The following RBBP8 variants were observed in gnomAD, a reference collection of about 807,000 sequenced individuals.
RBBP8 encodes DNA endonuclease RBBP8.
Under a neutral mutation model 108.3 loss-of-function variants are expected in RBBP8, and 88 were observed. The ratio of observed to expected loss-of-function variants is 0.81; its 90% CI spans 0.68 to 0.97. The LOEUF is 0.97. Ranked by LOEUF, RBBP8 falls within the 50% of genes least tolerant of loss-of-function variation. The pLI, the probability that RBBP8 is intolerant of heterozygous loss-of-function variation, is 0.00. For missense variants in RBBP8, 1,023 were observed against 1,049.0 expected, an observed-to-expected ratio of 0.98 and a Z score of 0.34; for synonymous variants, 332 against 348.2, an observed-to-expected ratio of 0.95 and a Z score of 0.52.
intron 3 of RBBP8, among the ~76,000 whole-genome samples, chr18:22,921,777 A>C (rs1355391005): frequency 6.6e-6 from 1 of 152,192 alleles, no homozygotes. Flanking sequence ...AATAAACTTC[A>C]ATTTATTTCC....
intron 3 of RBBP8, 74 bp downstream of exon 3, chr18:22,946,560 G>A: frequency 6.3e-7 from 1 of 1,590,956 alleles, no homozygotes; most frequent in Non-Finnish European, 8.6e-7. Flanking sequence ...GACATTCATA[G>A]AGTAGTTGAT....
chr18:22,929,659 G>A (rs1909948952), upstream of RBBP8, among the ~76,000 whole-genome samples: 1 of 151,974 alleles, frequency 6.6e-6, no homozygotes, highest in East Asian at 1.9e-4. Flanking sequence ...TGAGGTTACA[G>A]ATATGAGCCA....
At chr18:22,954,098 G>A (rs1912285793) in intron 4 of RBBP8, among the ~76,000 whole-genome samples, 1 of 152,002 alleles carries the variant, frequency 6.6e-6, no homozygotes, top group Non-Finnish European at 1.5e-5. Flanking sequence ...TTTGGGTGGG[G>A]ACACAGCCAA....
At chr18:22,961,176 CAAA>C (rs2144552820) in intron 4 of RBBP8, among the ~76,000 whole-genome samples, 1 of 152,200 alleles carries the variant, frequency 6.6e-6, no homozygotes, top group African/African-American at 2.4e-5. Flanking sequence ...AAGCGAATGA[CAAA>C]AAAGAAAAAC....
intron 3 of RBBP8, 141 bp downstream of exon 3, chr18:22,946,627 G>T: frequency 3.2e-6 from 4 of 1,232,320 alleles, no homozygotes; most frequent in Non-Finnish European, 4.4e-6. Flanking sequence ...GCCCTACTTA[G>T]TATGGGCCTT....
chr18:22,939,025 A>T (rs1910825556), intron 2 of RBBP8, among the ~76,000 whole-genome samples: 1 of 152,232 alleles, frequency 6.6e-6, no homozygotes, highest in Admixed American at 6.5e-5. Flanking sequence ...TTAAATTTTA[A>T]TATACTTTAA....
intron 3 of RBBP8, among the ~76,000 whole-genome samples, chr18:22,918,314 T>C (rs939850171): frequency 2.0e-5 from 3 of 152,212 alleles, no homozygotes; most frequent in African/African-American, 7.2e-5. Context: ...GTGAACATTA[T>C]AAAGTCTACT....
At chr18:22,922,774 T>G (rs1218021541) in intron 3 of RBBP8, among the ~76,000 whole-genome samples, 1 of 152,208 alleles carries the variant, frequency 6.6e-6, no homozygotes, top group Non-Finnish European at 1.5e-5. Flanking sequence ...CAATAAATAA[T>G]TTCTTATAAC....
At position 22,934,985 on chromosome 18, in the gene RBBP8, AAATATT is replaced by A. The variant is rs1485521504; in HGVS notation, c.-99+1434_-99+1439del. 2.2e-4 allele frequency among the ~76,000 whole-genome samples: 33 copies of A among 148,434 alleles called. 1 individual carries two copies. The highest frequency in any genetic ancestry group is 4.2e-4 in the South Asian group (2 of 4,778). Reference sequence around the variant, plus strand: ...TATATATTAAATAATATATAAATACAAATATTAATATTAATATTCTATAGTTTCTGG... The same window carrying A: ...TATATATTAAATAATATATAAATACAAATATTAATATTCTATAGTTTCTGG... On this transcript the variant is annotated intron_variant, in intron 1 of 18. Transcript: ENST00000327155.
At chr18:23,000,931 C>T (rs1474629540) in intron 14 of RBBP8, among the ~76,000 whole-genome samples, 2 of 152,098 alleles carry the variant, frequency 1.3e-5, no homozygotes, top group Non-Finnish European at 2.9e-5. Flanking sequence ...TTACAGTTTG[C>T]TACTCACTGA....
At chr18:22,946,621 T>A in intron 3 of RBBP8, 135 bp downstream of exon 3, 1 of 1,302,188 alleles carries the variant, frequency 7.7e-7, no homozygotes, top group Non-Finnish European at 1.0e-6. Context: ...AAATTAGCCC[T>A]ACTTAGTATG....
chr18:22,976,632 A>AT lies in RBBP8; in HGVS notation c.428+1421dup, dbSNP rs1267026558. 3.3e-5 allele frequency among the ~76,000 whole-genome samples: 5 copies of AT among 152,122 alleles called. No individual in the cohort carries two copies. The East Asian group carries it at 9.6e-4, about 29-fold the overall frequency. ...TGTTCTGTATTACTGTATTACTTTCATTTTTTTTAAAAAATATGAATTTGG... is the reference window on the plus strand; with the variant it reads ...TGTTCTGTATTACTGTATTACTTTCATTTTTTTTTAAAAAATATGAATTTGG... On this transcript the variant is annotated intron_variant, in intron 6 of 18. Coordinates refer to ENST00000327155, the MANE Select transcript of RBBP8 (RefSeq NM_002894.3).
At chr18:22,930,619 C>G (rs541010748), upstream of RBBP8, among the ~76,000 whole-genome samples, 3 of 152,224 alleles carry the variant, frequency 2.0e-5, no homozygotes, top group East Asian at 5.8e-4. Context: ...ATTTAAAAAT[C>G]TAAGAATTTT....
At chr18:22,931,605 C>T (rs939742462), upstream of RBBP8, among the ~76,000 whole-genome samples, 1 of 152,024 alleles carries the variant, frequency 6.6e-6, no homozygotes, top group Non-Finnish European at 1.5e-5. Context: ...AGCTTTTGGG[C>T]ACATAGTATA....
chr18:23,013,825 G>A (rs1390410440), intron 16 of RBBP8, among the ~76,000 whole-genome samples: 1 of 152,108 alleles, frequency 6.6e-6, no homozygotes, highest in Admixed American at 6.5e-5. Flanking sequence ...TAGTTAATTT[G>A]GCCTATGCCC....
intron 3 of RBBP8, among the ~76,000 whole-genome samples, chr18:22,923,350 A>T (rs1357581682): frequency 1.3e-5 from 2 of 152,220 alleles, no homozygotes; most frequent in Non-Finnish European, 2.9e-5. Flanking sequence ...TTATACAAAT[A>T]CATTACTATA....
At chr18:23,016,948 T>C (rs1193869310) in intron 17 of RBBP8, 24 bp downstream of exon 17, 1 of 1,450,648 alleles carries the variant, frequency 6.9e-7, no homozygotes, top group South Asian at 1.1e-5. Context: ...TAGATACTAA[T>C]TTTTTTTTAA....
At chr18:23,024,731 A>T (rs1481106497) in intron 18 of RBBP8, 2 of 152,246 alleles carry the variant, frequency 1.3e-5, no homozygotes, top group Admixed American at 6.5e-5. Flanking sequence ...TTATGAAAAC[A>T]AGATATGTTT....
intron 3 of RBBP8, among the ~76,000 whole-genome samples, chr18:22,947,697 A>G (rs989355749): frequency 3.3e-5 from 5 of 152,084 alleles, no homozygotes; most frequent in Non-Finnish European, 5.9e-5. Context: ...CCTGTCTTTA[A>G]TATATTAGAC....
Sources: gnomAD v4.1 joint callset for allele counts (sites outside exome capture counted in the v4.1 genomes callset) on GRCh38, gnomAD v4.1.1 for gene constraint, MANE v1.5 for transcripts, NCBI Gene and HGNC (gene_info 2026-07-23, HGNC 2026-07-21) for gene names.